AP2B1: variants seen among roughly 807,000 people sequenced by gnomAD.
The protein encoded by AP2B1 is adaptor related protein complex 2 subunit beta 1.
AP2B1 carries 23 observed loss-of-function variants against 102.0 expected under a neutral mutation model. The observed-to-expected ratio is 0.23, with a 90% CI of 0.16 to 0.32. The LOEUF is 0.32. Among genes scored for constraint, AP2B1 ranks in the 10% least tolerant of loss-of-function variants. The probability of loss-of-function intolerance (pLI) is 1.00; values close to 1 mark genes in which losing one functional copy is unlikely to be tolerated. For missense variants in AP2B1, 541 were observed against 1,157.4 expected, an observed-to-expected ratio of 0.47 and a Z score of 7.73; for synonymous variants, 381 against 421.2, an observed-to-expected ratio of 0.90 and a Z score of 1.17.
intron 3 of AP2B1, among the ~76,000 whole-genome samples, chr17:35,605,343 G>C (rs1005695467): frequency 2.6e-5 from 4 of 151,366 alleles, no homozygotes; most frequent in Non-Finnish European, 5.9e-5. Context: ...CTGCCTCCCA[G>C]GTTCAAACGA....
At chr17:35,631,152 A>G (rs2074450668) in intron 9 of AP2B1, among the ~76,000 whole-genome samples, 1 of 152,186 alleles carries the variant, frequency 6.6e-6, no homozygotes, top group Admixed American at 6.5e-5. Flanking sequence ...AGGAGTAAAC[A>G]AACTCCTGGT....
chr17:35,720,971 CTCTAAAGTCATTCTGA>C (rs1381078166), intron 21 of AP2B1, among the ~76,000 whole-genome samples: 2 of 152,098 alleles, frequency 1.3e-5, no homozygotes, highest in Admixed American at 1.3e-4. Flanking sequence ...AAGAGGCAGA[CTCTAAAGTCATTCTGA>C]TCCATTCCCT....
chr17:35,608,174 C>T lies in AP2B1; in HGVS notation c.312C>T (p.Ala104=), dbSNP rs993561261. The change falls in exon 5 of 22, where the codon GCC becomes GCT. Residue 104 remains alanine, a synonymous_variant. Coordinates refer to ENST00000610402, the MANE Select transcript of AP2B1 (RefSeq NM_001030006.2). ...DCEDPNPLIR[A]LAVRTMGCIR... The stretch of plus-strand genomic sequence containing the variant: ...AAGATCCTAATCCTTTGATTCGAGC[C>T]TTGGCAGTCAGAACCATGGGGTGCA... 6.2e-7 allele frequency: 1 copy of T among 1,613,766 alleles called. No individual in the cohort carries two copies.
chr17:35,710,301 G>T lies in AP2B1; in HGVS notation c.2607G>T (p.Lys869Asn). 6.2e-7 allele frequency: 1 copy of T among 1,611,474 alleles called. No homozygotes were observed. The highest frequency in any genetic ancestry group is 8.5e-7 in the Non-Finnish European group (1 of 1,177,798). The part of the protein sequence containing the change: ...PNENELQFQI[K>N]ECHLNADTVS... ...AAAATGAACTTCAGTTTCAGATTAA[G>T]GAATGTCATTTAAATGCTGGTGAGT... Residue 869 changes from lysine (K) to asparagine (N), a missense_variant, in exon 20 of 22, where the codon AAG becomes AAT. By Grantham distance (94) the Lys-to-Asn change is moderately conservative. This residue lies in a region of AP2B1 where 117 missense variants were observed against 206.7 expected (regional missense o/e 0.57). Transcript: ENST00000610402.
At chr17:35,637,212 A>G (rs1236592961) in intron 10 of AP2B1, among the ~76,000 whole-genome samples, 1 of 152,146 alleles carries the variant, frequency 6.6e-6, no homozygotes, top group Non-Finnish European at 1.5e-5. Flanking sequence ...TTTGAGATGG[A>G]GTCTCACTCT....
chr17:35,642,052 G>A, intron 12 of AP2B1, 77 bp downstream of exon 12: 1 of 1,075,704 alleles, frequency 9.3e-7, no homozygotes, highest in Non-Finnish European at 1.4e-6. Context: ...CTTCCTAGGG[G>A]ATTCATTTGG....
intron 13 of AP2B1, among the ~76,000 whole-genome samples, 188 bp from the exon 14 acceptor site, chr17:35,657,411 A>G (rs1014342795): frequency 6.6e-6 from 1 of 152,208 alleles, no homozygotes; most frequent in African/African-American, 2.4e-5. Flanking sequence ...TAGCAGCTGT[A>G]TTTTGATAAA....
intron 2 of AP2B1, chr17:35,596,851 G>T (rs2073302557): frequency 5.9e-6 from 4 of 679,000 alleles, no homozygotes; most frequent in Non-Finnish European, 1.1e-5. Context: ...CCGCACACAG[G>T]CCGCCCAGCA....
intron 9 of AP2B1, among the ~76,000 whole-genome samples, chr17:35,631,242 T>C (rs1225588097): frequency 1.3e-5 from 2 of 152,168 alleles, no homozygotes; most frequent in African/African-American, 4.8e-5. Context: ...CTTCTGGTTA[T>C]TTTCTGTTTA....
intron 5 of AP2B1, among the ~76,000 whole-genome samples, chr17:35,613,913 T>C (rs918387959): frequency 6.6e-6 from 1 of 152,216 alleles, no homozygotes; most frequent in African/African-American, 2.4e-5. Context: ...TTTAGAGCTA[T>C]AGGGAAATAG....
At chr17:35,722,629 C>T (rs903412875) in intron 21 of AP2B1, among the ~76,000 whole-genome samples, 3 of 152,018 alleles carry the variant, frequency 2.0e-5, no homozygotes, top group African/African-American at 7.2e-5. Flanking sequence ...TTAAATTGTC[C>T]TTAGTCTCTA....
At chr17:35,713,932 G>C (rs781940483) in intron 20 of AP2B1, 4 of 152,168 alleles carry the variant, frequency 2.6e-5, no homozygotes, top group African/African-American at 9.7e-5. Context: ...GTATGAATCT[G>C]TTTTACATCT....
At chr17:35,641,428 A>G (rs1017325476) in intron 11 of AP2B1, among the ~76,000 whole-genome samples, 1 of 152,164 alleles carries the variant, frequency 6.6e-6, no homozygotes, top group Non-Finnish European at 1.5e-5. Context: ...CAAAAATTTT[A>G]AAAATTAGTT....
chr17:35,710,508 T>C (rs2076424615), intron 20 of AP2B1, among the ~76,000 whole-genome samples, 188 bp downstream of exon 20: 1 of 152,234 alleles, frequency 6.6e-6, no homozygotes, highest in Non-Finnish European at 1.5e-5. Context: ...ATGTAGGTAC[T>C]AGATTACTTA....
At chr17:35,650,400 C>A (rs1208623027) in intron 12 of AP2B1, 130 bp from the exon 13 acceptor site, 1 of 1,113,478 alleles carries the variant, frequency 9.0e-7, no homozygotes, top group Non-Finnish European at 1.3e-6. Context: ...CCACATCCAG[C>A]CTGAAGTATC....
At chr17:35,676,339 A>G (rs1415903362) in intron 17 of AP2B1, among the ~76,000 whole-genome samples, 2 of 152,084 alleles carry the variant, frequency 1.3e-5, no homozygotes, top group Non-Finnish European at 2.9e-5. Flanking sequence ...TTTTGTCACT[A>G]TAATTGTACC....
At chr17:35,703,163 G>A (rs1206693166) in intron 18 of AP2B1, among the ~76,000 whole-genome samples, 1 of 151,300 alleles carries the variant, frequency 6.6e-6, no homozygotes, top group Non-Finnish European at 1.5e-5. Flanking sequence ...TCCCAGCTAG[G>A]CTGAGGCAGG....
At chr17:35,669,164 A>G (rs780583384) in intron 14 of AP2B1, among the ~76,000 whole-genome samples, 2 of 133,940 alleles carry the variant, frequency 1.5e-5, no homozygotes, top group African/African-American at 5.7e-5. Context: ...TTTTTCCGAG[A>G]TGGAGTCTTG....
chr17:35,718,919 A>T (rs1243243499), intron 21 of AP2B1, among the ~76,000 whole-genome samples: 1 of 152,294 alleles, frequency 6.6e-6, no homozygotes, highest in Non-Finnish European at 1.5e-5. Flanking sequence ...GTTCAAGATC[A>T]TGTAATTTGT....
Sources: allele counts gnomAD v4.1 joint callset (sites outside exome capture counted in the v4.1 genomes callset), GRCh38; gene constraint gnomAD v4.1.1; regional missense constraint gnomAD v4.1.1; transcripts MANE v1.5; gene names NCBI Gene and HGNC (gene_info 2026-07-23, HGNC 2026-07-21).